The following CAPN2 variants were observed in gnomAD, a reference collection of about 807,000 sequenced individuals.
The protein encoded by CAPN2 is calpain-2 catalytic subunit.
A neutral mutation model predicts 102.3 loss-of-function variants in CAPN2; 92 were observed. The observed-to-expected ratio is 0.90, with a 90% confidence interval of 0.76 to 1.07. The LOEUF is 1.07. Among genes scored for constraint, CAPN2 ranks in the 50% least tolerant of loss-of-function variants. The pLI is 0.00. For missense variants in CAPN2, 800 were observed against 909.4 expected, an observed-to-expected ratio of 0.88 and a Z score of 1.55; for synonymous variants, 340 against 355.4, an observed-to-expected ratio of 0.96 and a Z score of 0.49.
chr1:223,752,386 G>A (rs756349366), intron 8 of CAPN2, among the ~76,000 whole-genome samples: 2 of 152,172 alleles, frequency 1.3e-5, no homozygotes, highest in South Asian at 2.1e-4. Context: ...CCCAGGTTCC[G>A]GAGACTCATC....
chr1:223,722,657 CT>C (rs1234170870), intron 2 of CAPN2, among the ~76,000 whole-genome samples: 1 of 151,874 alleles, frequency 6.6e-6, no homozygotes, highest in African/African-American at 2.4e-5. Flanking sequence ...TGTTAATAGA[CT>C]TTTTTTTAAG....
chr1:223,750,865 T>A, intron 6 of CAPN2, 25 bp from the exon 7 acceptor site: 2 of 1,548,778 alleles, frequency 1.3e-6, no homozygotes, highest in Non-Finnish European at 1.7e-6. Flanking sequence ...AACCTCTTAC[T>A]CCTCCCTTTT....
rs1339148820 is a variant in CAPN2, at chr1:223,742,309, T to C, written c.308-1791T>C. ...TGGGAGGCTGAGGCAGGAGAATCAC[T>C]TGAACCCAGGAGGCAGAGGTTGCAG... On this transcript the variant is annotated intron_variant, in intron 2 of 20. Transcript: ENST00000295006. Among the ~76,000 whole-genome samples, 7 of 151,954 alleles carry C rather than the reference T, an allele frequency of 4.6e-5. No individual in the cohort carries two copies. In the South Asian group the frequency reaches 1.0e-3, roughly 23 times the overall value.
Position 223,762,218 on chromosome 1 carries a change from A to C in CAPN2, c.1599A>C (p.Gly533=). Residue 533 remains glycine (G), a synonymous_variant, in exon 14 of 21, where the codon GGA becomes GGC. Transcript: ENST00000295006. ...FDISEDDIDD[G]FRRLFAQLAG... ...TCAGCGAGGATGACATTGATGATGG[A>C]TTCAGGAGACTGTTTGCCCAGTTGG... 6.2e-7 allele frequency: 1 copy of C among 1,614,046 alleles called. No homozygotes were observed. The highest frequency in any genetic ancestry group is 1.1e-5 in the South Asian group (1 of 91,068).
At chr1:223,714,619 A>G (rs1176308285) in intron 1 of CAPN2, among the ~76,000 whole-genome samples, 2 of 96,200 alleles carry the variant, frequency 2.1e-5, no homozygotes, top group Non-Finnish European at 4.5e-5. Flanking sequence ...TCTATAAAAA[A>G]GTAAAAAAAA....
chr1:223,764,259 G>A, intron 15 of CAPN2, 52 bp downstream of exon 15: 1 of 1,483,880 alleles, frequency 6.7e-7, no homozygotes, highest in South Asian at 1.1e-5. Context: ...CCTGTGGATG[G>A]GAGGGAACAT....
chr1:223,757,271 C>G, intron 10 of CAPN2, 98 bp from the exon 11 acceptor site: 2 of 1,327,504 alleles, frequency 1.5e-6, no homozygotes, highest in Middle Eastern at 1.8e-4. Context: ...ATTGCTAATG[C>G]TACAGAGAAA....
intron 20 of CAPN2, chr1:223,772,684 G>A (rs935947320): frequency 4.9e-5 from 8 of 162,702 alleles, no homozygotes; most frequent in Admixed American, 1.8e-4. Flanking sequence ...CTCCCTCCCC[G>A]TTTAAGATAA....
chr1:223,764,928 G>A (rs567629816), intron 15 of CAPN2, among the ~76,000 whole-genome samples: 1 of 152,334 alleles, frequency 6.6e-6, no homozygotes, highest in South Asian at 2.1e-4. Flanking sequence ...AAAAATGTCA[G>A]AGGATTGATT....
chr1:223,714,180 G>A (rs1265218690), intron 1 of CAPN2, among the ~76,000 whole-genome samples: 1 of 152,096 alleles, frequency 6.6e-6, no homozygotes, highest in Admixed American at 6.5e-5. Flanking sequence ...TTCCTTCATA[G>A]CATTGTCACA....
chr1:223,702,014 A>G (rs1159336358), intron 1 of CAPN2, among the ~76,000 whole-genome samples: 1 of 125,198 alleles, frequency 8.0e-6, no homozygotes, highest in African/African-American at 2.8e-5. Flanking sequence ...AAAAAAAAAA[A>G]AAAAAGAGAG....
chr1:223,729,248 C>T (rs1057501621), intron 2 of CAPN2, among the ~76,000 whole-genome samples: 1 of 152,202 alleles, frequency 6.6e-6, no homozygotes, highest in African/African-American at 2.4e-5. Flanking sequence ...CTGTTTTTCA[C>T]TTTCAGTACA....
At chr1:223,720,231 C>G (rs1245567431) in intron 2 of CAPN2, among the ~76,000 whole-genome samples, 1 of 152,050 alleles carries the variant, frequency 6.6e-6, no homozygotes, top group Non-Finnish European at 1.5e-5. Context: ...AAAGCCATTC[C>G]CGGGTTTCTA....
At chr1:223,730,010 C>CAAAAAAAA (rs57382658) in intron 2 of CAPN2, among the ~76,000 whole-genome samples, 369 of 78,824 alleles carry the variant, frequency 4.7e-3, no homozygotes, top group East Asian at 7.3e-3. Flanking sequence ...CCCAAAAAAC[C>CAAAAAAAA]AAAAAAAAAA....
intron 8 of CAPN2, 101 bp from the exon 9 acceptor site, chr1:223,752,695 C>T (rs1224112715): frequency 1.8e-6 from 2 of 1,120,936 alleles, no homozygotes; most frequent in Non-Finnish European, 2.6e-6. Flanking sequence ...ATGAGCTGCT[C>T]TGCCTGGCTT....
At chr1:223,723,030 G>A (rs1395121902) in intron 2 of CAPN2, among the ~76,000 whole-genome samples, 5 of 152,154 alleles carry the variant, frequency 3.3e-5, no homozygotes, top group Non-Finnish European at 4.4e-5. Context: ...GGAATTTGTG[G>A]TGCCTTTTTA....
chr1:223,759,082 G>A lies in CAPN2; in HGVS notation c.1318-188G>A, dbSNP rs754327859. The A allele has an allele frequency of 9.4e-5, 58 of 616,144 alleles. 1 individual carries two copies. In the East Asian group the frequency reaches 1.1e-3, roughly 12 times the overall value. The allele number at this position is 616,144 out of a possible 1,614,324, so 38.2% of individuals were successfully genotyped here. On this transcript the variant is annotated intron_variant, in intron 11 of 20. Transcript: ENST00000295006. The surrounding 1 kb of genome is among the most constrained non-coding windows in gnomAD (Gnocchi z 4.6). ...TTGTTGTTTTGTTGTTGTTGTCGTC[G>A]TTATATAGATGAGGGCTTCCTGTGT...
chr1:223,762,293 C>G (rs1163476672), intron 14 of CAPN2, 42 bp downstream of exon 14: 2 of 1,468,654 alleles, frequency 1.4e-6, no homozygotes, highest in Non-Finnish European at 9.5e-7. Context: ...CTGGTTGATG[C>G]AAAGGAAGAG....
chr1:223,737,768 T>G (rs1660503633), intron 2 of CAPN2, among the ~76,000 whole-genome samples: 1 of 144,892 alleles, frequency 6.9e-6, no homozygotes, highest in Non-Finnish European at 1.5e-5. Context: ...CAGTCAGTTC[T>G]AAAAGAAAAA....
Sources: gnomAD v4.1 joint callset for allele counts (sites outside exome capture counted in the v4.1 genomes callset) on GRCh38, gnomAD v4.1.1 for gene constraint, Gnocchi (gnomAD v3.1) non-coding constraint, MANE v1.5 for transcripts, NCBI Gene and HGNC (gene_info 2026-07-23, HGNC 2026-07-21) for gene names.